The following RIGI variants were observed in gnomAD, a reference collection of about 807,000 sequenced individuals.
The protein encoded by RIGI is RNA sensor RIG-I.
the RIGI span, among the ~76,000 whole-genome samples, chr9:32,516,860 A>G: frequency 6.6e-6 from 1 of 152,168 alleles, no homozygotes; most frequent in Non-Finnish European, 1.5e-5. Context: ...CAGGTTAATA[A>G]AGCCCGATTG....
chr9:32,479,258 A>G, the RIGI span, among the ~76,000 whole-genome samples: 1 of 152,350 alleles, frequency 6.6e-6, no homozygotes, highest in South Asian at 2.1e-4. Context: ...TGTGGTTTGT[A>G]TAACTCCTCT....
chr9:32,485,531 CTTTTTTTTTTTT>C, the RIGI span: 774 of 323,522 alleles, frequency 2.4e-3, 5 homozygotes, highest in African/African-American at 0.023. Flanking sequence ...TAACTAGCTT[CTTTTTTTTTTTT>C]TTTTTTTTTT....
chr9:32,491,361 T>C, the RIGI span: 1 of 1,613,476 alleles, frequency 6.2e-7, no homozygotes, highest in Non-Finnish European at 8.5e-7. Flanking sequence ...TGGTAGAAAA[T>C]CTGTATGTCA....
the RIGI span, among the ~76,000 whole-genome samples, chr9:32,490,148 T>G: frequency 6.6e-6 from 1 of 152,084 alleles, no homozygotes; most frequent in African/African-American, 2.4e-5. Flanking sequence ...CTGAGGTGGA[T>G]GGATCACTTG....
At chr9:32,489,382 G>A in the RIGI span, 1 of 1,613,032 alleles carries the variant, frequency 6.2e-7, no homozygotes, top group Non-Finnish European at 8.5e-7. Flanking sequence ...TCCTTTCATA[G>A]CAGGCAAAGC....
At chr9:32,482,213 GTGTT>G in the RIGI span, among the ~76,000 whole-genome samples, 5 of 151,990 alleles carry the variant, frequency 3.3e-5, no homozygotes, top group South Asian at 4.1e-4. Flanking sequence ...GTGTGTGTGT[GTGTT>G]TGATTGTTTC....
the RIGI span, among the ~76,000 whole-genome samples, chr9:32,470,159 G>C: frequency 9.9e-5 from 15 of 152,214 alleles, no homozygotes; most frequent in East Asian, 2.9e-3. Flanking sequence ...TTGAATCCAT[G>C]TATTCTCAGT....
chr9:32,508,342 C>T, the RIGI span, among the ~76,000 whole-genome samples: 3 of 146,000 alleles, frequency 2.1e-5, no homozygotes, highest in African/African-American at 7.6e-5. Flanking sequence ...CGGTCTGCAG[C>T]TCACAGAGAG....
At chr9:32,485,160 T>G in the RIGI span, 87 of 1,557,988 alleles carry the variant, frequency 5.6e-5, no homozygotes, top group Middle Eastern at 1.7e-4. Flanking sequence ...ACACAAAATA[T>G]GAGATTTATC....
the RIGI span, among the ~76,000 whole-genome samples, chr9:32,506,161 T>C: frequency 6.6e-6 from 1 of 152,268 alleles, no homozygotes; most frequent in South Asian, 2.1e-4. Context: ...GAGATTGCAG[T>C]GAGCTGAGAT....
chr9:32,502,807 T>G, the RIGI span, among the ~76,000 whole-genome samples: 8 of 152,206 alleles, frequency 5.3e-5, no homozygotes, highest in Non-Finnish European at 8.8e-5. Context: ...CTCCAATCTC[T>G]GCCTATGTTT....
chr9:32,485,248 G>GTCGCTAA, the RIGI span: 1 of 1,604,048 alleles, frequency 6.2e-7, no homozygotes. Context: ...ATTTAAATTT[G>GTCGCTAA]TCGCTAATCC....
the RIGI span, among the ~76,000 whole-genome samples, chr9:32,473,275 A>C: frequency 1.4e-5 from 2 of 148,046 alleles, no homozygotes; most frequent in Admixed American, 1.4e-4. Context: ...GATATGGTTT[A>C]ATCTCTAAGA....
the RIGI span, chr9:32,480,271 G>T: frequency 6.2e-7 from 1 of 1,611,466 alleles, no homozygotes; most frequent in East Asian, 2.2e-5. Flanking sequence ...CTGCTGCTCG[G>T]ACATTGCTGA....
the RIGI span, among the ~76,000 whole-genome samples, chr9:32,459,791 T>C: frequency 6.6e-6 from 1 of 152,176 alleles, no homozygotes; most frequent in Non-Finnish European, 1.5e-5. Context: ...AGAATAGTCA[T>C]ATGAACTATG....
the RIGI span, among the ~76,000 whole-genome samples, chr9:32,522,908 CTT>C: frequency 6.6e-6 from 1 of 152,116 alleles, no homozygotes; most frequent in African/African-American, 2.4e-5. Context: ...AAAGCTGAAA[CTT>C]ATATTTGTTT....
the RIGI span, chr9:32,481,567 T>A: frequency 3.7e-6 from 4 of 1,094,348 alleles, no homozygotes; most frequent in Non-Finnish European, 5.1e-6. Context: ...TAAACAGGCC[T>A]CACCCTCTAA....
chr9:32,518,444 C>T, the RIGI span, among the ~76,000 whole-genome samples: 1 of 150,926 alleles, frequency 6.6e-6, no homozygotes. Context: ...AAAGTCTAAG[C>T]ATATCATAGA....
the RIGI span, chr9:32,489,506 G>A: frequency 5.4e-6 from 6 of 1,111,984 alleles, no homozygotes; most frequent in Middle Eastern, 7.8e-4. Context: ...AGGAATCACG[G>A]CAATAGCTAC....
Sources: allele counts gnomAD v4.1 joint callset (sites outside exome capture counted in the v4.1 genomes callset), GRCh38; gene constraint gnomAD v4.1.1; transcripts MANE v1.5; gene names NCBI Gene and HGNC (gene_info 2026-07-23, HGNC 2026-07-21).